Variants in GSG1L observed in about 807,000 individuals in gnomAD.
The protein encoded by GSG1L is germ cell-specific gene 1-like protein.
In GSG1L, 24 loss-of-function variants were observed where a neutral mutation model predicts 42.1. That is an observed-to-expected ratio of 0.57 (90% confidence interval 0.41 to 0.80). The LOEUF is 0.80. Ranked by LOEUF, GSG1L falls within the 30% of genes least tolerant of loss-of-function variation. The pLI is 0.00. For synonymous variants in GSG1L, 215 were observed against 203.5 expected (o/e 1.06, Z -0.48); for missense variants, 445 against 472.2 (o/e 0.94, Z 0.53).
rs189490811 is a variant in GSG1L, at chr16:28,010,693, G to T, written c.350-47490C>A. On this transcript the variant is annotated intron_variant, in intron 1 of 6. Coordinates refer to ENST00000447459, the MANE Select transcript of GSG1L (RefSeq NM_001109763.2). ...CCATCCATCCCTCCTCCTGCCTGATGGAGTCTCCGTGATGGAAGCCAGGGG... is the reference window on the plus strand; with the variant it reads ...CCATCCATCCCTCCTCCTGCCTGATTGAGTCTCCGTGATGGAAGCCAGGGG... Among the ~76,000 whole-genome samples, 65 of 152,244 alleles carry T rather than the reference G, an allele frequency of 4.3e-4. No individual in the cohort carries two copies. In the East Asian group the frequency reaches 6.8e-3, roughly 16 times the overall value.
At chr16:27,940,744 C>T (rs977747602) in intron 2 of GSG1L, among the ~76,000 whole-genome samples, 2 of 144,432 alleles carry the variant, frequency 1.4e-5, no homozygotes, top group African/African-American at 5.2e-5. Context: ...AGGAGATATA[C>T]CTAATGCTAA....
intron 4 of GSG1L, among the ~76,000 whole-genome samples, chr16:27,833,740 T>A (rs2083294986): frequency 6.6e-6 from 1 of 152,166 alleles, no homozygotes; most frequent in African/African-American, 2.4e-5. Context: ...GTTGTCCGAA[T>A]GTTCATTGCT....
intron 2 of GSG1L, among the ~76,000 whole-genome samples, chr16:27,962,220 G>A (rs760559804): frequency 1.3e-4 from 20 of 152,300 alleles, no homozygotes; most frequent in Middle Eastern, 3.4e-3. Context: ...TTTCAGCTAG[G>A]CACAGCATTG....
chr16:28,033,626 A>C (rs2085992694), intron 1 of GSG1L, among the ~76,000 whole-genome samples: 1 of 152,176 alleles, frequency 6.6e-6, no homozygotes, highest in South Asian at 2.1e-4. Context: ...TAAAGAGGTC[A>C]TGCAACAAAT....
chr16:27,870,174 C>CATCT (rs1182512793), intron 3 of GSG1L, among the ~76,000 whole-genome samples: 2 of 133,538 alleles, frequency 1.5e-5, no homozygotes, highest in African/African-American at 2.9e-5. Context: ...TGTCTCCCTC[C>CATCT]CTCTCTCCTT....
intron 2 of GSG1L, among the ~76,000 whole-genome samples, chr16:27,944,193 A>G (rs141085884): frequency 1.3e-5 from 2 of 152,310 alleles, no homozygotes; most frequent in African/African-American, 2.4e-5. Flanking sequence ...CAGGCTATAT[A>G]TGTATATGTT....
chr16:27,830,485 C>G (rs2083262876), intron 4 of GSG1L, among the ~76,000 whole-genome samples: 1 of 152,190 alleles, frequency 6.6e-6, no homozygotes, highest in African/African-American at 2.4e-5. Flanking sequence ...TCAAAGGGAT[C>G]CTCAAAAGGA....
chr16:27,952,998 C>T (rs926422161), intron 2 of GSG1L, among the ~76,000 whole-genome samples: 17 of 152,252 alleles, frequency 1.1e-4, no homozygotes, highest in African/African-American at 3.4e-4. Flanking sequence ...CTGCATTTTC[C>T]GGTTTTGCAG....
At chr16:27,953,875 T>C (rs555225926) in intron 2 of GSG1L, among the ~76,000 whole-genome samples, 1 of 152,074 alleles carries the variant, frequency 6.6e-6, no homozygotes, top group Non-Finnish European at 1.5e-5. Context: ...CAAGACTCCA[T>C]CTCAAAAAAA....
chr16:27,830,709 C>T (rs942368891), intron 4 of GSG1L, among the ~76,000 whole-genome samples: 5 of 152,212 alleles, frequency 3.3e-5, no homozygotes, highest in African/African-American at 9.6e-5. Flanking sequence ...AAGGGCTGAC[C>T]ATCTGGTGAA....
At chr16:28,053,035 C>G (rs530128098) in intron 1 of GSG1L, among the ~76,000 whole-genome samples, 1 of 152,280 alleles carries the variant, frequency 6.6e-6, no homozygotes, top group East Asian at 1.9e-4. Flanking sequence ...GAGAGTGTGG[C>G]CAGTGGTGTC....
At chr16:27,905,204 A>C (rs1404396528) in intron 2 of GSG1L, among the ~76,000 whole-genome samples, 1 of 152,096 alleles carries the variant, frequency 6.6e-6, no homozygotes, top group Non-Finnish European at 1.5e-5. Context: ...CTTCTAGCCG[A>C]GCATGGTCTC....
intron 3 of GSG1L, among the ~76,000 whole-genome samples, chr16:27,871,721 T>C (rs1456276324): frequency 6.6e-6 from 1 of 152,184 alleles, no homozygotes; most frequent in East Asian, 1.9e-4. Context: ...AAAGTACTGG[T>C]ACGAGCTACA....
chr16:27,909,325 CTCTT>C (rs934515574), intron 2 of GSG1L, among the ~76,000 whole-genome samples: 6 of 151,634 alleles, frequency 4.0e-5, no homozygotes, highest in African/African-American at 4.8e-5. Flanking sequence ...TTTCTTTTCT[CTCTT>C]TCTTTCTTTT....
intron 3 of GSG1L, among the ~76,000 whole-genome samples, chr16:27,852,935 G>A (rs1368644846): frequency 2.0e-5 from 3 of 152,090 alleles, no homozygotes; most frequent in Non-Finnish European, 1.5e-5. Flanking sequence ...ACCGGGTACC[G>A]CTGAGACCGC....
At chr16:27,797,568 A>C (rs1361504209) in intron 6 of GSG1L, among the ~76,000 whole-genome samples, 1 of 149,988 alleles carries the variant, frequency 6.7e-6, no homozygotes, top group Admixed American at 6.7e-5. Flanking sequence ...CACGCCTGTA[A>C]TCCCAGCACT....
intron 2 of GSG1L, among the ~76,000 whole-genome samples, chr16:27,930,960 G>A (rs960873995): frequency 6.6e-6 from 1 of 151,956 alleles, no homozygotes; most frequent in Non-Finnish European, 1.5e-5. Context: ...CTCACAGCAA[G>A]AGCCTGGTCT....
chr16:27,953,328 G>A (rs117375029), intron 2 of GSG1L, among the ~76,000 whole-genome samples: 89 of 152,228 alleles, frequency 5.8e-4, no homozygotes, highest in Middle Eastern at 3.4e-3. Flanking sequence ...GGCTTCAAGC[G>A]ATCTTCCCAC....
intron 3 of GSG1L, among the ~76,000 whole-genome samples, chr16:27,847,774 CG>C (rs1173080294): frequency 2.6e-5 from 4 of 152,188 alleles, no homozygotes; most frequent in Non-Finnish European, 5.9e-5. Flanking sequence ...TAGCACCTCC[CG>C]CTTCACTCTC....
Sources: allele counts gnomAD v4.1 joint callset (sites outside exome capture counted in the v4.1 genomes callset), GRCh38; gene constraint gnomAD v4.1.1; transcripts MANE v1.5; gene names NCBI Gene and HGNC (gene_info 2026-07-23, HGNC 2026-07-21).